EXTL3: variants seen among roughly 807,000 people sequenced by gnomAD.
The protein encoded by EXTL3 is exostosin-like 3.
Under a neutral mutation model 69.3 loss-of-function variants are expected in EXTL3, and 27 were observed. The observed-to-expected ratio is 0.39, with a 90% CI of 0.29 to 0.54. The LOEUF is 0.54. EXTL3 is among the 20% of genes least tolerant of loss of function. EXTL3 has a pLI of 0.69. For synonymous variants in EXTL3, 511 were observed against 499.4 expected (o/e 1.02, Z -0.31); for missense variants, 1,003 against 1,231.8 (o/e 0.81, Z 2.78).
intron 1 of EXTL3, among the ~76,000 whole-genome samples, chr8:28,669,360 T>TA (rs1419926236): frequency 2.0e-5 from 3 of 152,226 alleles, no homozygotes; most frequent in African/African-American, 7.2e-5. Context: ...CATCAGTACT[T>TA]AAAGTGGAGT....
chr8:28,640,541 C>T (rs79014406), intron 1 of EXTL3, among the ~76,000 whole-genome samples: 1,948 of 152,316 alleles, frequency 0.013, 54 homozygotes, highest in African/African-American at 0.045. Flanking sequence ...TCAGAGCCCC[C>T]GACTTTCAGT....
chr8:28,737,481 C>G (rs1801676252), intron 4 of EXTL3, 38 bp from the exon 5 acceptor site: 1 of 1,613,234 alleles, frequency 6.2e-7, no homozygotes, highest in Admixed American at 1.7e-5. Context: ...CCCTAGAGCT[C>G]TGTATTCAGG....
upstream of EXTL3, chr8:28,697,280 C>T (rs1800699384): frequency 6.6e-6 from 1 of 152,166 alleles, no homozygotes; most frequent in African/African-American, 2.4e-5. Context: ...AGTGAGGCCC[C>T]CAACTGTGAT....
chr8:28,644,916 C>T (rs1806804790), intron 1 of EXTL3, among the ~76,000 whole-genome samples: 1 of 152,166 alleles, frequency 6.6e-6, no homozygotes, highest in African/African-American at 2.4e-5. Context: ...TACCATGGTG[C>T]CTGATGCAAT....
chr8:28,679,516 T>C (rs1484548769), intron 1 of EXTL3, among the ~76,000 whole-genome samples: 1 of 151,888 alleles, frequency 6.6e-6, no homozygotes, highest in African/African-American at 2.4e-5. Context: ...GGTGGGAGGA[T>C]TCATTGAGGG....
At chr8:28,660,429 A>G (rs550441085) in intron 1 of EXTL3, among the ~76,000 whole-genome samples, 2 of 152,266 alleles carry the variant, frequency 1.3e-5, no homozygotes, top group East Asian at 3.9e-4. Context: ...AAGCTCTCAT[A>G]CAAACATACA....
At chr8:28,722,805 C>G (rs1177134416) in intron 3 of EXTL3, among the ~76,000 whole-genome samples, 2 of 145,822 alleles carry the variant, frequency 1.4e-5, no homozygotes, top group African/African-American at 2.5e-5. Context: ...AAGAGAGATA[C>G]AAGATTATTA....
intron 3 of EXTL3, among the ~76,000 whole-genome samples, chr8:28,724,831 T>C (rs768956792): frequency 6.6e-6 from 1 of 152,066 alleles, no homozygotes; most frequent in Non-Finnish European, 1.5e-5. Flanking sequence ...GATGTAGTCC[T>C]CTTTCTATCA....
At chr8:28,614,272 CTTT>C (rs35659799) in intron 2 of EXTL3, among the ~76,000 whole-genome samples, 2 of 104,904 alleles carry the variant, frequency 1.9e-5, no homozygotes, top group African/African-American at 4.1e-5. Flanking sequence ...GGGTTTTTTG[CTTT>C]TTTTTTTTTT....
chr8:28,661,730 A>G (rs1807118793), intron 1 of EXTL3, among the ~76,000 whole-genome samples: 4 of 151,798 alleles, frequency 2.6e-5, no homozygotes, highest in African/African-American at 9.7e-5. Flanking sequence ...AAATACAAAA[A>G]AAAAATTAGC....
In EXTL3 at chr8:28,626,469, C is replaced by T. The variant is rs78590460; in HGVS notation, c.-53+3659C>T. ...TAGGAAAGAAATGATGAGGGTGCAGCGTTGGTGGAACGTGTGGCCAAATGG... is the reference window on the plus strand; with the variant it reads ...TAGGAAAGAAATGATGAGGGTGCAGTGTTGGTGGAACGTGTGGCCAAATGG... On this transcript the variant is annotated intron_variant, in intron 1 of 6. Transcript: ENST00000523149. 1.8e-3 allele frequency among the ~76,000 whole-genome samples: 271 copies of T among 152,222 alleles called. 4 individuals are homozygous for T. Among genetic ancestry groups the T allele is most frequent in the African/African-American group, 5.6e-3 (234 of 41,534 alleles).
rs536300766 is a variant in EXTL3 at position 28,631,128 on chromosome 8, C to G, written c.-53+8318C>G. Among the ~76,000 whole-genome samples the G allele has an allele frequency of 6.1e-5, 9 of 146,990 alleles. No homozygotes were observed. The South Asian group carries it at 1.9e-3, about 32-fold the overall frequency. On this transcript the variant is annotated intron_variant, in intron 1 of 6. Transcript: ENST00000523149. ...TCTAGTAAGAGAAAGTACACAGATT[C>G]AACTTTAGAGAGGACTTTTTTTTTT...
intron 1 of EXTL3, among the ~76,000 whole-genome samples, chr8:28,649,924 C>T (rs549257688): frequency 2.2e-4 from 33 of 152,100 alleles, no homozygotes; most frequent in African/African-American, 6.3e-4. Flanking sequence ...AGCCCGGGCA[C>T]GGTGGGTCAC....
chr8:28,667,961 T>C (rs1182561492), intron 1 of EXTL3, among the ~76,000 whole-genome samples: 1 of 143,608 alleles, frequency 7.0e-6, no homozygotes, highest in Admixed American at 6.9e-5. Flanking sequence ...CTCTTTAGTC[T>C]AGGAGTTCAA....
intron 1 of EXTL3, among the ~76,000 whole-genome samples, chr8:28,653,336 T>C (rs1489561107): frequency 6.6e-6 from 1 of 152,246 alleles, no homozygotes. Flanking sequence ...TTTACTCTCT[T>C]GATAGTGTCC....
At position 28,659,619 on chromosome 8, in the gene EXTL3, G is replaced by A. The variant is rs150087523; in HGVS notation, c.-53+36809G>A. ...AGCTTCTATCCTGGATCCGGGTGTC[G>A]GTTTCCCAGATGCAACCCCAGGGTC... On this transcript the variant is annotated intron_variant, in intron 1 of 6. Coordinates refer to the EXTL3 transcript ENST00000523149. 3.6e-3 allele frequency among the ~76,000 whole-genome samples: 541 copies of A among 152,162 alleles called. 5 individuals are homozygous for A. Among genetic ancestry groups the A allele is most frequent in the African/African-American group, 0.012 (511 of 41,510 alleles).
chr8:28,663,425 G>A (rs77377718), intron 1 of EXTL3, among the ~76,000 whole-genome samples: 1 of 152,102 alleles, frequency 6.6e-6, no homozygotes, highest in Admixed American at 6.6e-5. Flanking sequence ...AAGAGGAAGT[G>A]TTCTTATACC....
At chr8:28,726,676 C>T (rs948175637) in intron 3 of EXTL3, among the ~76,000 whole-genome samples, 12 of 151,978 alleles carry the variant, frequency 7.9e-5, no homozygotes, top group African/African-American at 2.7e-4. Flanking sequence ...ACGCAAGTAG[C>T]GCACCCTTTT....
intron 5 of EXTL3, among the ~76,000 whole-genome samples, 159 bp downstream of exon 5, chr8:28,737,822 G>T (rs1160030429): frequency 6.6e-6 from 1 of 152,182 alleles, no homozygotes; most frequent in Admixed American, 6.5e-5. Flanking sequence ...TGATCAAGAT[G>T]CTTAGAGCAA....
Sources: allele counts gnomAD v4.1 joint callset (sites outside exome capture counted in the v4.1 genomes callset), GRCh38; gene constraint gnomAD v4.1.1; transcripts MANE v1.5; gene names NCBI Gene and HGNC (gene_info 2026-07-23, HGNC 2026-07-21).